Variants in ATPAF1 observed in about 807,000 individuals in gnomAD.
ATPAF1 encodes homolog of yeast ATP11.
Under a neutral mutation model 43.9 loss-of-function variants are expected in ATPAF1, and 26 were observed. The observed-to-expected ratio is 0.59, with a 90% CI of 0.43 to 0.82. The LOEUF (loss-of-function observed/expected upper bound fraction) is 0.82, where lower values mean the gene tolerates loss of function less well. Among genes scored for constraint, ATPAF1 ranks in the 40% least tolerant of loss-of-function variants. The pLI is 0.00. For missense variants in ATPAF1, 366 were observed against 435.0 expected, an observed-to-expected ratio of 0.84 and a Z score of 1.41; for synonymous variants, 157 against 168.0, an observed-to-expected ratio of 0.93 and a Z score of 0.50.
exon 9 of ATPAF1, chr1:46,635,914 A>G (rs372997249): frequency 3.1e-6 from 5 of 1,614,104 alleles, no homozygotes; most frequent in Admixed American, 1.7e-5. Flanking sequence ...TCTCTTTCCG[A>G]TCAGTAGCGT....
At chr1:46,663,941 A>G (rs1339008985) in intron 2 of ATPAF1, 3 of 1,266,752 alleles carry the variant, frequency 2.4e-6, no homozygotes, top group Non-Finnish European at 3.1e-6. Flanking sequence ...AGAATTTTTC[A>G]AATAATAGGT....
chr1:46,661,772 A>C (rs1351712719), intron 2 of ATPAF1, among the ~76,000 whole-genome samples: 1 of 152,228 alleles, frequency 6.6e-6, no homozygotes, highest in Non-Finnish European at 1.5e-5. Flanking sequence ...AATATGTGTT[A>C]GCCGTTAGCC....
At chr1:46,654,482 C>T (rs1455001972) in intron 4 of ATPAF1, among the ~76,000 whole-genome samples, 4 of 151,306 alleles carry the variant, frequency 2.6e-5, no homozygotes, top group African/African-American at 9.7e-5. Flanking sequence ...TCCATTCTCA[C>T]ACTGCTAATA....
At chr1:46,641,401 A>C (rs564175247) in intron 8 of ATPAF1, among the ~76,000 whole-genome samples, 2 of 152,306 alleles carry the variant, frequency 1.3e-5, no homozygotes, top group South Asian at 4.1e-4. Context: ...TCCCATCAGC[A>C]TACAAATATG....
intron 8 of ATPAF1, among the ~76,000 whole-genome samples, chr1:46,642,295 A>G (rs930959172): frequency 6.6e-6 from 1 of 152,198 alleles, no homozygotes. Context: ...CTTTCTCCCT[A>G]TGCAGCTGGT....
chr1:46,661,427 T>C (rs915303850), intron 2 of ATPAF1, among the ~76,000 whole-genome samples: 5 of 152,208 alleles, frequency 3.3e-5, no homozygotes, highest in Non-Finnish European at 7.3e-5. Flanking sequence ...CAGTCAGTAT[T>C]TGCTGCTTAC....
chr1:46,653,404 A>G lies in ATPAF1; in HGVS notation c.540+413T>C, dbSNP rs1466158260. On this transcript the variant is annotated intron_variant, in intron 5 of 8. Transcript: ENST00000574428. The surrounding 1 kb of genome is among the most constrained non-coding windows in gnomAD (Gnocchi z 4.8). The stretch of plus-strand genomic sequence containing the variant: ...GCTAAGGGGAATATTCACCAGAGAT[A>G]GACTAGGAAGAGGCTCCAAGTCAGC... Among the ~76,000 whole-genome samples, 1 of 152,208 alleles carries G rather than the reference A, an allele frequency of 6.6e-6. No individual in the cohort carries two copies. Among genetic ancestry groups the G allele is most frequent in the Non-Finnish European group, 1.5e-5 (1 of 68,046 alleles).
In ATPAF1 at chr1:46,653,033, TA is replaced by T. The variant is rs891162384; in HGVS notation, c.541-406del. 2.7e-5 allele frequency among the ~76,000 whole-genome samples: 4 copies of T among 150,926 alleles called. No homozygotes were observed. The highest frequency in any genetic ancestry group is 1.3e-4 in the Admixed American group (2 of 15,082). ...ATAAGGGTATATATATATGAGAGAT[TA>T]AAAAAAAAGATAGCGATACCATCAT... On this transcript the variant is annotated intron_variant, in intron 5 of 8. Transcript: ENST00000574428. The surrounding 1 kb of genome is among the most constrained non-coding windows in gnomAD (Gnocchi z 4.8).
intron 4 of ATPAF1, among the ~76,000 whole-genome samples, chr1:46,655,990 C>T (rs1475462440): frequency 6.6e-6 from 1 of 152,202 alleles, no homozygotes; most frequent in Middle Eastern, 3.2e-3. Context: ...GCTGTGTTGT[C>T]ACCAATGCCT....
chr1:46,640,286 TA>T (rs113722617), intron 8 of ATPAF1, among the ~76,000 whole-genome samples: 27 of 152,326 alleles, frequency 1.8e-4, no homozygotes, highest in African/African-American at 6.5e-4. Flanking sequence ...TAGTTTTTGT[TA>T]TTAAATAATT....
chr1:46,668,242 G>T lies in ATPAF1; in HGVS notation c.81C>A (p.Cys27Ter). 1 of 1,371,894 alleles carries T rather than the reference G, an allele frequency of 7.3e-7. No homozygotes were observed. The highest frequency in any genetic ancestry group is 9.4e-7 in the Non-Finnish European group (1 of 1,060,778). The allele number at this position is 1,371,894 out of a possible 1,614,324, so 85.0% of individuals were successfully genotyped here. A position where few individuals can be genotyped will look rare whatever the true frequency, so the allele number is the denominator to read the frequency against. Residue 27 changes from cysteine (C) to a stop codon, truncating the protein, a stop_gained, in exon 1 of 9, where the codon TGC becomes TGA. Coordinates refer to ENST00000574428, the Ensembl canonical transcript of ATPAF1. LOFTEE classifies it high-confidence loss of function. The surrounding 1 kb of genome is among the most constrained non-coding windows in gnomAD (Gnocchi z 4.4). ...GGCCCAGGGCGCGGCTGCGCACCGCGCACAGGCCCCGGTAGAGACCGGCCA... is the reference window on the plus strand; with the variant it reads ...GGCCCAGGGCGCGGCTGCGCACCGCTCACAGGCCCCGGTAGAGACCGGCCA...
At chr1:46,638,932 T>C (rs1470145075) in intron 8 of ATPAF1, among the ~76,000 whole-genome samples, 1 of 152,218 alleles carries the variant, frequency 6.6e-6, no homozygotes, top group East Asian at 1.9e-4. Flanking sequence ...CTGACTATTT[T>C]ATTCCCTACA....
At chr1:46,647,503 TAC>T (rs56095996) in intron 6 of ATPAF1, among the ~76,000 whole-genome samples, 79,393 of 150,508 alleles carry the variant, frequency 0.53, 20,879 homozygotes, top group African/African-American at 0.59. Context: ...TATACACACA[TAC>T]ACACACACAC....
At chr1:46,650,140 G>A (rs978420226) in intron 6 of ATPAF1, among the ~76,000 whole-genome samples, 5 of 151,878 alleles carry the variant, frequency 3.3e-5, no homozygotes, top group Admixed American at 2.0e-4. Flanking sequence ...TTTCAGCTAC[G>A]ACCTCTTAAT....
At chr1:46,654,199 C>T (rs1053632306) in intron 4 of ATPAF1, among the ~76,000 whole-genome samples, 23 of 152,090 alleles carry the variant, frequency 1.5e-4, no homozygotes, top group Non-Finnish European at 2.6e-4. Context: ...CCCACACCTC[C>T]CCAGCCAACT....
At chr1:46,643,060 T>C in intron 8 of ATPAF1, 134 bp downstream of exon 8, 2 of 704,024 alleles carry the variant, frequency 2.8e-6, no homozygotes, top group South Asian at 1.7e-5. Flanking sequence ...ACAACTTCAC[T>C]GTCAACTTTA....
chr1:46,654,528 TTTATTATTATTA>T (rs57700546), intron 4 of ATPAF1, among the ~76,000 whole-genome samples: 3 of 135,264 alleles, frequency 2.2e-5, no homozygotes, highest in East Asian at 5.4e-4. Flanking sequence ...TATTTATTTA[TTTATTATTATTA>T]TTATTATTAT....
At chr1:46,658,768 C>T (rs751515193) in intron 2 of ATPAF1, 31 bp from the exon 3 acceptor site, 3 of 1,491,710 alleles carry the variant, frequency 2.0e-6, no homozygotes, top group Non-Finnish European at 2.7e-6. Flanking sequence ...TATTAATCTA[C>T]ACTTTACTCA....
chr1:46,664,372 G>A (rs987993012), intron 2 of ATPAF1, among the ~76,000 whole-genome samples: 1 of 152,208 alleles, frequency 6.6e-6, no homozygotes, highest in African/African-American at 2.4e-5. Flanking sequence ...GCATGGAGAA[G>A]TAACAATTTG....
Sources: allele counts gnomAD v4.1 joint callset (sites outside exome capture counted in the v4.1 genomes callset), GRCh38; gene constraint gnomAD v4.1.1; non-coding constraint Gnocchi (gnomAD v3.1); transcripts MANE v1.5; gene names NCBI Gene and HGNC (gene_info 2026-07-23, HGNC 2026-07-21).